The following CCDC77 variants were observed in gnomAD, a reference collection of about 807,000 sequenced individuals.
CCDC77 encodes coiled-coil domain-containing protein 77.
Under a neutral mutation model 66.8 loss-of-function variants are expected in CCDC77, and 56 were observed. The observed-to-expected ratio is 0.84, with a 90% CI of 0.68 to 1.05. The LOEUF (loss-of-function observed/expected upper bound fraction) is 1.05. Ranked by LOEUF, CCDC77 falls within the 50% of genes least tolerant of loss-of-function variation. The pLI is 0.00. For missense variants in CCDC77, 570 were observed against 576.8 expected (o/e 0.99, Z 0.12); for synonymous variants, 196 against 195.2 (o/e 1.00, Z -0.03).
At chr12:432,788 G>C (rs1945676052) in intron 8 of CCDC77, among the ~76,000 whole-genome samples, 1 of 152,214 alleles carries the variant, frequency 6.6e-6, no homozygotes, top group African/African-American at 2.4e-5. Context: ...TGTAATCCCA[G>C]CATTTTGGGA....
rs563470641 is a variant in CCDC77, at chr12:438,895, C to T, written c.1041+341C>T. On this transcript the variant is annotated intron_variant, in intron 10 of 12. Coordinates refer to ENST00000239830, the MANE Select transcript of CCDC77 (RefSeq NM_032358.4). ...CAGCCTGGCCAACATGGTGAAACCC[C>T]GTCTCTACTAAAAATACAAAAAAAA... is the stretch of plus-strand genomic sequence containing the variant. Among the ~76,000 whole-genome samples, 14 of 149,330 alleles carry T rather than the reference C, an allele frequency of 9.4e-5. No homozygotes were observed. In the East Asian group the frequency reaches 2.2e-3, roughly 23 times the overall value.
intron 10 of CCDC77, among the ~76,000 whole-genome samples, chr12:440,266 G>GC (rs561170640): frequency 1.1e-4 from 17 of 152,206 alleles, no homozygotes; most frequent in Admixed American, 2.6e-4. Flanking sequence ...TGTATAATAA[G>GC]CGTTGTTGTT....
intron 5 of CCDC77, among the ~76,000 whole-genome samples, chr12:423,470 G>GTTTTTTTTTTTTTTT (rs1307027692): frequency 1.3e-4 from 6 of 44,846 alleles, no homozygotes; most frequent in African/African-American, 3.7e-4. Flanking sequence ...TGTTTTTTGT[G>GTTTTTTTTTTTTTTT]TTTTTTGTGT....
At chr12:396,733 G>A (rs190307000), upstream of CCDC77, among the ~76,000 whole-genome samples, 1 of 152,318 alleles carries the variant, frequency 6.6e-6, no homozygotes, top group Non-Finnish European at 1.5e-5. Flanking sequence ...AAGGAAGAGT[G>A]TGAACTGAAG....
chr12:427,856 A>T (rs550390805), intron 5 of CCDC77, among the ~76,000 whole-genome samples: 1 of 152,286 alleles, frequency 6.6e-6, no homozygotes, highest in East Asian at 1.9e-4. Context: ...AACAGACTGT[A>T]CAGTGGAGAT....
chr12:415,865 G>T (rs1339208634), intron 4 of CCDC77, among the ~76,000 whole-genome samples: 2 of 151,966 alleles, frequency 1.3e-5, no homozygotes, highest in Admixed American at 6.6e-5. Context: ...GAGTGCAGTG[G>T]CACAATCTCG....
At chr12:392,503 G>A (rs967746682) in intron 1 of CCDC77, among the ~76,000 whole-genome samples, 1 of 152,078 alleles carries the variant, frequency 6.6e-6, no homozygotes, top group Non-Finnish European at 1.5e-5. Context: ...CAGCACTTTG[G>A]GAGGCCGAGG....
intron 6 of CCDC77, among the ~76,000 whole-genome samples, chr12:429,101 A>G (rs1945596046): frequency 6.6e-6 from 1 of 152,220 alleles, no homozygotes; most frequent in South Asian, 2.1e-4. Flanking sequence ...GTTTTAGCTG[A>G]GACAGAGAGG....
In CCDC77 at chr12:441,958, G is replaced by A. The variant is rs1945866203; in HGVS notation, c.*38G>A. ...GAAATGGCCCCCATTTAGAAGAGGT[G>A]TGCTTCTTGAAACCTGAGGACAAGG... On this transcript the variant is annotated 3_prime_UTR_variant, in exon 13 of 13. Coordinates refer to ENST00000239830, the MANE Select transcript of CCDC77 (RefSeq NM_032358.4). 6.2e-7 allele frequency: 1 copy of A among 1,609,380 alleles called. No individual in the cohort carries two copies. The highest frequency in any genetic ancestry group is 8.5e-7 in the Non-Finnish European group (1 of 1,176,698).
intron 5 of CCDC77, among the ~76,000 whole-genome samples, chr12:423,885 T>G (rs1326274005): frequency 6.6e-6 from 1 of 152,210 alleles, no homozygotes; most frequent in Non-Finnish European, 1.5e-5. Context: ...ATGTTGAGCA[T>G]CTTTCTTGTG....
chr12:410,960 T>C (rs557705052), intron 3 of CCDC77, among the ~76,000 whole-genome samples: 60 of 152,272 alleles, frequency 3.9e-4, no homozygotes, highest in Admixed American at 1.0e-3. Context: ...ATTTTTACTT[T>C]AGAGACAAGG....
intron 9 of CCDC77, among the ~76,000 whole-genome samples, chr12:438,060 G>A (rs542939141): frequency 6.6e-6 from 1 of 152,096 alleles, no homozygotes; most frequent in South Asian, 2.1e-4. Context: ...AAATATCCCT[G>A]TAGTCCTTCT....
At chr12:416,375 G>GTATATATATATA (rs1489079419) in intron 4 of CCDC77, among the ~76,000 whole-genome samples, 3 of 20,592 alleles carry the variant, frequency 1.5e-4, no homozygotes, top group African/African-American at 2.0e-4. Flanking sequence ...GTGTGTGTGT[G>GTATATATATATA]TGTATATATA....
intron 12 of CCDC77, among the ~76,000 whole-genome samples, chr12:441,534 C>T (rs145936928): frequency 1.1e-4 from 16 of 152,314 alleles, no homozygotes; most frequent in African/African-American, 3.8e-4. Context: ...ACTCCTCTTT[C>T]ATGGTGCATT....
chr12:389,944 T>C (rs1944724288), intron 1 of CCDC77: 1 of 152,236 alleles, frequency 6.6e-6, no homozygotes, highest in African/African-American at 2.4e-5. Flanking sequence ...TTAGCCACCA[T>C]CCATGAATTG....
At chr12:427,065 T>C (rs1323418919) in intron 5 of CCDC77, among the ~76,000 whole-genome samples, 1 of 152,000 alleles carries the variant, frequency 6.6e-6, no homozygotes, top group East Asian at 1.9e-4. Flanking sequence ...GCCAACATGG[T>C]GAAACCCCAT....
At chr12:429,163 T>C (rs533501216) in intron 6 of CCDC77, among the ~76,000 whole-genome samples, 1 of 152,326 alleles carries the variant, frequency 6.6e-6, no homozygotes, top group African/African-American at 2.4e-5. Flanking sequence ...TAAGTTTCTT[T>C]TTAAATCTTT....
intron 1 of CCDC77, chr12:390,237 C>T (rs1170907128): frequency 2.6e-5 from 4 of 151,832 alleles, no homozygotes; most frequent in African/African-American, 9.7e-5. Flanking sequence ...TTTAAATACT[C>T]TTACTGACAA....
At position 431,066 on chromosome 12, in the gene CCDC77, C is replaced by CAA. The variant is rs372949107; in HGVS notation, c.583+348_583+349dup. 7.9e-3 allele frequency among the ~76,000 whole-genome samples: 834 copies of CAA among 105,402 alleles called. 17 individuals carry two copies. Among genetic ancestry groups the CAA allele is most frequent in the Middle Eastern group, 0.038 (8 of 208 alleles). The allele number at this position is 105,402 out of a possible 152,430, so 69.1% of individuals were successfully genotyped here. ...TTGCGTGACAGAGCAAGACTATCTC[C>CAA]AAAAAAAAAAAAAAAAAAACAGAAC... On this transcript the variant is annotated intron_variant, in intron 7 of 12. Transcript: ENST00000239830.
Sources: gnomAD v4.1 joint callset for allele counts (sites outside exome capture counted in the v4.1 genomes callset) on GRCh38, gnomAD v4.1.1 for gene constraint, MANE v1.5 for transcripts, NCBI Gene and HGNC (gene_info 2026-07-23, HGNC 2026-07-21) for gene names.